NOC3L: variants seen among roughly 807,000 people sequenced by gnomAD.
The protein encoded by NOC3L is NOC3 like DNA replication regulator.
Under a neutral mutation model 102.5 loss-of-function variants are expected in NOC3L, and 85 were observed. The ratio of observed to expected loss-of-function variants is 0.83; its 90% CI spans 0.70 to 0.99. The LOEUF is 0.99. NOC3L is among the 50% of genes least tolerant of loss of function. The probability of loss-of-function intolerance (pLI) is 0.00; values close to 1 mark genes in which losing one functional copy is unlikely to be tolerated. For missense variants in NOC3L, 878 were observed against 914.9 expected, an observed-to-expected ratio of 0.96 and a Z score of 0.52; for synonymous variants, 303 against 309.4, an observed-to-expected ratio of 0.98 and a Z score of 0.22.
chr10:94,350,119 T>G lies in NOC3L; in HGVS notation c.1122A>C (p.Ser374=), dbSNP rs1332515652. 2 of 1,614,000 alleles carry G rather than the reference T, an allele frequency of 1.2e-6. No individual in the cohort carries two copies. The highest frequency in any genetic ancestry group is 3.3e-5 in the Admixed American group (2 of 60,006). ...ACCATTTACAGCAACTCACCAATTT[T>G]GACATGTCATTCATGAGAGGGACAA... ...VLIVPLMNDM[S]KLISEMCCEA... Residue 374 remains serine (S), a synonymous_variant, in exon 9 of 21, where the codon TCA becomes TCC. Transcript: ENST00000371361.
intron 3 of NOC3L, 50 bp downstream of exon 3, chr10:94,358,033 T>C (rs775686983): frequency 2.6e-5 from 33 of 1,275,158 alleles, no homozygotes; most frequent in Non-Finnish European, 3.7e-5. Context: ...CAGAACCAAG[T>C]TTTTAACACT....
the NOC3L span, among the ~76,000 whole-genome samples, chr10:94,319,982 G>C: frequency 6.8e-6 from 1 of 147,534 alleles, no homozygotes; most frequent in Non-Finnish European, 1.5e-5. Flanking sequence ...CCACTCTCCT[G>C]CCTCAGCCTC....
chr10:94,322,700 G>A, the NOC3L span, among the ~76,000 whole-genome samples: 11 of 152,080 alleles, frequency 7.2e-5, no homozygotes, highest in African/African-American at 1.2e-4. Context: ...CAGGAGAATC[G>A]CTTGAACCCG....
intron 14 of NOC3L, among the ~76,000 whole-genome samples, chr10:94,340,884 G>A (rs919797387): frequency 6.6e-6 from 1 of 151,782 alleles, no homozygotes; most frequent in African/African-American, 2.4e-5. Context: ...GGGAGGCTGA[G>A]GCAGGAGAAT....
At chr10:94,316,820 C>A in the NOC3L span, 2 of 1,175,954 alleles carry the variant, frequency 1.7e-6, no homozygotes, top group Non-Finnish European at 2.6e-6. Context: ...ATTTACCACT[C>A]ACAACCTCCC....
chr10:94,350,123 A>G lies in NOC3L; in HGVS notation c.1118T>C (p.Met373Thr). The change falls in exon 9 of 21, where the codon ATG becomes ACG. Residue 373 changes from methionine (M) to threonine (T), a missense_variant. Met to Thr is a moderately conservative substitution (Grantham distance 81). Coordinates refer to ENST00000371361, the MANE Select transcript of NOC3L (RefSeq NM_022451.11). ...TTTACAGCAACTCACCAATTTTGAC[A>G]TGTCATTCATGAGAGGGACAATCAA... ...IVLIVPLMND[M>T]SKLISEMCCE... The G allele has an allele frequency of 1.2e-6, 2 of 1,613,968 alleles. No homozygotes were observed. Among genetic ancestry groups the G allele is most frequent in the Non-Finnish European group, 8.5e-7 (1 of 1,179,938 alleles).
the NOC3L span, chr10:94,316,743 A>G: frequency 6.2e-7 from 1 of 1,613,460 alleles, no homozygotes; most frequent in Non-Finnish European, 8.5e-7. Context: ...ATTGTCTTAA[A>G]AACCCAGCAG....
chr10:94,319,529 G>GCTGT, the NOC3L span, among the ~76,000 whole-genome samples: 1 of 152,078 alleles, frequency 6.6e-6, no homozygotes. Context: ...GGGCTTTCAA[G>GCTGT]CTGTCAGATA....
intron 13 of NOC3L, among the ~76,000 whole-genome samples, chr10:94,343,163 T>G (rs982965429): frequency 2.6e-5 from 4 of 152,080 alleles, no homozygotes; most frequent in Non-Finnish European, 5.9e-5. Flanking sequence ...CAATTTTAAA[T>G]TGTATATTCT....
intron 9 of NOC3L, among the ~76,000 whole-genome samples, 188 bp downstream of exon 9, chr10:94,349,925 A>T (rs1246833902): frequency 6.6e-6 from 1 of 151,786 alleles, no homozygotes; most frequent in African/African-American, 2.4e-5. Flanking sequence ...CGCCCTGCTA[A>T]TTTTTTGTAT....
chr10:94,340,489 C>T lies in NOC3L; in HGVS notation c.1652G>A (p.Ser551Asn). ...LHTLIESGDL[S>N]YQESLHCVQT... ...GACACAGTGAAGACTTTCTTGATAG[C>T]TTAGGTCCTTTAAAAAAAAAAGGGG... is the stretch of plus-strand genomic sequence containing the variant. The change falls in exon 15 of 21, where the codon AGC (serine) becomes AAC (asparagine). Residue 551 changes from serine to asparagine, a missense_variant. Physicochemically the swap from Ser to Asn is conservative, Grantham distance 46 (BLOSUM62 1). Transcript: ENST00000371361. 1 of 1,255,198 alleles carries T rather than the reference C, an allele frequency of 8.0e-7. No homozygotes were observed. The highest frequency in any genetic ancestry group is 1.2e-5 in the South Asian group (1 of 81,134). 77.8% of individuals were successfully genotyped at this position (1,255,198 alleles called of 1,614,324 possible). A position where few individuals can be genotyped will look rare whatever the true frequency, so the allele number is the denominator to read the frequency against.
chr10:94,358,546 G>A (rs747214190), intron 2 of NOC3L, among the ~76,000 whole-genome samples: 2 of 152,184 alleles, frequency 1.3e-5, no homozygotes, highest in Non-Finnish European at 2.9e-5. Context: ...AAAACTAAAT[G>A]TCTCCACATA....
chr10:94,341,948 G>A (rs2054290250), intron 13 of NOC3L, among the ~76,000 whole-genome samples: 1 of 152,168 alleles, frequency 6.6e-6, no homozygotes, highest in Non-Finnish European at 1.5e-5. Flanking sequence ...AAACTCAGTA[G>A]AAATATATAA....
chr10:94,338,229 C>T (rs1564908972), intron 18 of NOC3L, among the ~76,000 whole-genome samples: 1 of 152,184 alleles, frequency 6.6e-6, no homozygotes, highest in Non-Finnish European at 1.5e-5. Flanking sequence ...TGTAGGATCA[C>T]TGCATAGGTG....
At chr10:94,353,186 C>G in intron 6 of NOC3L, 129 bp from the exon 7 acceptor site, 1 of 691,150 alleles carries the variant, frequency 1.4e-6, no homozygotes, top group Admixed American at 2.8e-5. Context: ...CATGCCACAC[C>G]AAACTCCAGA....
chr10:94,360,818 A>G (rs2054544175), intron 2 of NOC3L, among the ~76,000 whole-genome samples: 1 of 151,998 alleles, frequency 6.6e-6, no homozygotes, highest in Admixed American at 6.6e-5. Context: ...TCCCATAAAT[A>G]TATACACCTA....
intron 19 of NOC3L, among the ~76,000 whole-genome samples, chr10:94,337,258 A>G (rs181422013): frequency 6.6e-6 from 1 of 152,146 alleles, no homozygotes; most frequent in East Asian, 1.9e-4. Flanking sequence ...GGCCAAAAAA[A>G]GAAAAAGCTG....
chr10:94,327,634 G>A, the NOC3L span, among the ~76,000 whole-genome samples: 1 of 152,130 alleles, frequency 6.6e-6, no homozygotes, highest in Non-Finnish European at 1.5e-5. Context: ...ATAATCTACA[G>A]ATTTTTAAAG....
chr10:94,342,888 C>T (rs376746873), intron 13 of NOC3L, among the ~76,000 whole-genome samples: 1 of 151,882 alleles, frequency 6.6e-6, no homozygotes, highest in Non-Finnish European at 1.5e-5. Context: ...AGTTCGAGAC[C>T]AGCCTGGCCA....
Sources: gnomAD v4.1 joint callset for allele counts (sites outside exome capture counted in the v4.1 genomes callset) on GRCh38, gnomAD v4.1.1 for gene constraint, MANE v1.5 for transcripts, NCBI Gene and HGNC (gene_info 2026-07-23, HGNC 2026-07-21) for gene names.